Variants in CHLSN observed in about 807,000 individuals in gnomAD.
The protein encoded by CHLSN is cholesin.
At chr7:1,122,470 C>T in the CHLSN span, among the ~76,000 whole-genome samples, 9 of 152,156 alleles carry the variant, frequency 5.9e-5, no homozygotes, top group South Asian at 2.1e-4. Flanking sequence ...CCCCCGCATA[C>T]GGCTCCGTGG....
the CHLSN span, among the ~76,000 whole-genome samples, chr7:1,035,568 G>C: frequency 1.3e-5 from 2 of 152,206 alleles, no homozygotes; most frequent in African/African-American, 4.8e-5. Flanking sequence ...ACGTGAGGGA[G>C]CGCCCATGAA....
chr7:1,017,721 C>T, the CHLSN span, among the ~76,000 whole-genome samples: 3 of 151,780 alleles, frequency 2.0e-5, no homozygotes, highest in Non-Finnish European at 4.4e-5. Flanking sequence ...CGGGCAGCCG[C>T]GGACGGCGGG....
chr7:1,028,761 C>A, the CHLSN span: 1 of 862,886 alleles, frequency 1.2e-6, no homozygotes, highest in Non-Finnish European at 1.4e-6. Flanking sequence ...AGTCTGTCCC[C>A]ATCTCCCCTA....
At chr7:1,008,895 C>CACACACGT in the CHLSN span, among the ~76,000 whole-genome samples, 78 of 70,338 alleles carry the variant, frequency 1.1e-3, no homozygotes, top group African/African-American at 5.8e-3. Context: ...TATACACATG[C>CACACACGT]ACACACGTAC....
At chr7:1,100,997 C>T in the CHLSN span, among the ~76,000 whole-genome samples, 2 of 152,196 alleles carry the variant, frequency 1.3e-5, no homozygotes, top group African/African-American at 2.4e-5. Flanking sequence ...AGGCACAGCC[C>T]GTCAGGGAGG....
chr7:1,012,667 C>T, the CHLSN span, among the ~76,000 whole-genome samples: 26 of 152,326 alleles, frequency 1.7e-4, no homozygotes, highest in Admixed American at 3.9e-4. Flanking sequence ...TGACACTGGC[C>T]GGTGCACCTT....
At chr7:1,047,404 C>G in the CHLSN span, among the ~76,000 whole-genome samples, 107 of 152,352 alleles carry the variant, frequency 7.0e-4, no homozygotes, top group African/African-American at 2.4e-3. Flanking sequence ...AAATCAAAAC[C>G]ATCCACCTAT....
chr7:1,043,083 C>T, the CHLSN span, among the ~76,000 whole-genome samples: 2 of 142,482 alleles, frequency 1.4e-5, no homozygotes, highest in African/African-American at 5.3e-5. Context: ...GAAACCCCAT[C>T]TCTACTACAA....
the CHLSN span, among the ~76,000 whole-genome samples, chr7:1,057,321 G>T: frequency 6.6e-6 from 1 of 152,154 alleles, no homozygotes; most frequent in Non-Finnish European, 1.5e-5. Context: ...ACCCGAGACG[G>T]CCATTTTTCA....
the CHLSN span, chr7:987,649 C>T: frequency 1.9e-6 from 2 of 1,044,046 alleles, no homozygotes; most frequent in South Asian, 1.8e-5. Context: ...CGCTCCCCGA[C>T]CGGAGGCAAT....
the CHLSN span, among the ~76,000 whole-genome samples, chr7:1,068,355 C>G: frequency 6.6e-6 from 1 of 152,168 alleles, no homozygotes; most frequent in African/African-American, 2.4e-5. Context: ...TGCACATCCC[C>G]ATGGTCACTG....
At chr7:1,137,154 TTC>T in the CHLSN span, among the ~76,000 whole-genome samples, 1 of 152,104 alleles carries the variant, frequency 6.6e-6, no homozygotes, top group African/African-American at 2.4e-5. Context: ...CACCTCCTCT[TTC>T]TCTCTCTGTT....
chr7:981,565 G>A, the CHLSN span, among the ~76,000 whole-genome samples: 1 of 150,476 alleles, frequency 6.6e-6, no homozygotes, highest in Non-Finnish European at 1.5e-5. Flanking sequence ...GATACAAAAA[G>A]TAGCCAGGTG....
the CHLSN span, chr7:1,058,875 CTTGT>C: frequency 1.3e-5 from 3 of 228,246 alleles, no homozygotes; most frequent in Non-Finnish European, 2.8e-5. Context: ...TTGATTCCCC[CTTGT>C]TTGTTTTACA....
At chr7:1,022,984 G>A in the CHLSN span, 1 of 471,506 alleles carries the variant, frequency 2.1e-6, no homozygotes, top group Non-Finnish European at 4.3e-6. Context: ...CTCACAGGCA[G>A]GCACACGTGA....
chr7:1,136,299 CATATATAAAT>C, the CHLSN span, among the ~76,000 whole-genome samples: 1 of 96,044 alleles, frequency 1.0e-5, no homozygotes, highest in Admixed American at 1.2e-4. Context: ...TATATATAAA[CATATATAAAT>C]ATATATAAAC....
chr7:1,001,518 A>G, the CHLSN span, among the ~76,000 whole-genome samples: 3 of 74,328 alleles, frequency 4.0e-5, no homozygotes, highest in African/African-American at 5.9e-5. Context: ...CCTGTGGGTG[A>G]GTGGAATCCT....
At chr7:983,035 T>G in the CHLSN span, among the ~76,000 whole-genome samples, 1 of 128,440 alleles carries the variant, frequency 7.8e-6, no homozygotes, top group Non-Finnish European at 1.6e-5. Context: ...AGCCCCACAT[T>G]CCACGCAGGC....
chr7:988,240 C>G, the CHLSN span: 2 of 1,545,166 alleles, frequency 1.3e-6, no homozygotes, highest in Non-Finnish European at 8.8e-7. Flanking sequence ...CCATCTTCCC[C>G]GGGGCCCCTC....
Sources: allele counts gnomAD v4.1 joint callset (sites outside exome capture counted in the v4.1 genomes callset), GRCh38; gene constraint gnomAD v4.1.1; transcripts MANE v1.5; gene names NCBI Gene and HGNC (gene_info 2026-07-23, HGNC 2026-07-21).